RBM20: variants seen among roughly 807,000 people sequenced by gnomAD.
The protein encoded by RBM20 is RNA binding motif protein 20.
RBM20 carries 51 observed loss-of-function variants against 110.1 expected under a neutral mutation model. The ratio of observed to expected loss-of-function variants is 0.46; its 90% confidence interval spans 0.37 to 0.59. RBM20 has a LOEUF of 0.59. Ranked by LOEUF, RBM20 falls within the 20% of genes least tolerant of loss-of-function variation. The pLI is 0.00. For synonymous variants in RBM20, 589 were observed against 618.2 expected (o/e 0.95, Z 0.70); for missense variants, 1,512 against 1,574.9 (o/e 0.96, Z 0.68).
chr10:110,665,712 G>A (rs1002157093), intron 1 of RBM20, among the ~76,000 whole-genome samples: 5 of 151,888 alleles, frequency 3.3e-5, no homozygotes, highest in African/African-American at 1.2e-4. Flanking sequence ...TGAATAGTGA[G>A]GTTAAAGAAT....
chr10:110,825,221 A>C (rs1844968738), intron 12 of RBM20, among the ~76,000 whole-genome samples: 1 of 152,216 alleles, frequency 6.6e-6, no homozygotes, highest in Admixed American at 6.5e-5. Context: ...TCATGCATTC[A>C]GTCAGTCAGC....
At chr10:110,660,259 A>T (rs1862083152) in intron 1 of RBM20, among the ~76,000 whole-genome samples, 1 of 152,184 alleles carries the variant, frequency 6.6e-6, no homozygotes, top group Non-Finnish European at 1.5e-5. Context: ...TAAAAAAAAA[A>T]GAAGCTGCCT....
intron 1 of RBM20, among the ~76,000 whole-genome samples, chr10:110,672,649 G>A (rs1862279568): frequency 6.6e-6 from 1 of 152,254 alleles, no homozygotes; most frequent in African/African-American, 2.4e-5. Flanking sequence ...TCAGACCTGG[G>A]GTGGGCACAG....
At chr10:110,831,222 C>G (rs144120562) in intron 13 of RBM20, 40 bp downstream of exon 13, 1 of 1,543,244 alleles carries the variant, frequency 6.5e-7, no homozygotes, top group East Asian at 2.5e-5. Context: ...CCAGGGGCTC[C>G]CCAGTCTCCA....
intron 1 of RBM20, among the ~76,000 whole-genome samples, chr10:110,649,327 G>A (rs886302042): frequency 5.3e-5 from 8 of 151,982 alleles, no homozygotes; most frequent in Admixed American, 2.0e-4. Context: ...CACAACAGCC[G>A]GTCCTCAAGT....
At chr10:110,740,520 C>G (rs780711848) in intron 1 of RBM20, among the ~76,000 whole-genome samples, 4 of 152,012 alleles carry the variant, frequency 2.6e-5, no homozygotes, top group African/African-American at 4.8e-5. Flanking sequence ...GTGTGTGGAG[C>G]TGCCTTTCAC....
chr10:110,791,077 T>C (rs1359102151), intron 5 of RBM20, among the ~76,000 whole-genome samples: 2 of 152,202 alleles, frequency 1.3e-5, no homozygotes, highest in East Asian at 3.8e-4. Flanking sequence ...CTCTATAAAA[T>C]ATTTGAAAGC....
chr10:110,731,001 A>G (rs1480799099), intron 1 of RBM20, among the ~76,000 whole-genome samples: 1 of 152,168 alleles, frequency 6.6e-6, no homozygotes, highest in Non-Finnish European at 1.5e-5. Flanking sequence ...CTCTTTAACC[A>G]TTGTGTAACT....
chr10:110,805,736 A>G (rs1844686015), intron 7 of RBM20, among the ~76,000 whole-genome samples: 1 of 152,170 alleles, frequency 6.6e-6, no homozygotes, highest in Admixed American at 6.5e-5. Flanking sequence ...CCCTCTTAAT[A>G]TGCCAGCACT....
At chr10:110,757,671 G>A (rs539575432) in intron 1 of RBM20, among the ~76,000 whole-genome samples, 132 of 152,332 alleles carry the variant, frequency 8.7e-4, no homozygotes, top group Middle Eastern at 6.8e-3. Context: ...TGAAGACAGT[G>A]CAAAGTGCTA....
At position 110,821,364 on chromosome 10, in the gene RBM20, G is replaced by A. The variant is rs2135120951; in HGVS notation, c.2745G>A (p.Gly915=). Residue 915 remains glycine, a synonymous_variant, in exon 11 of 14, where the codon GGG becomes GGA. Transcript: ENST00000369519. ...AGCTGGTGACAGTGGACGAGGTTGG[G>A]GAAGAAGAAGATTTTATCGTGGAAC... ...MEELVTVDEV[G]EEEDFIVEPD... 6.4e-7 allele frequency: 1 copy of A among 1,551,734 alleles called. No homozygotes were observed. The highest frequency in any genetic ancestry group is 8.7e-7 in the Non-Finnish European group (1 of 1,147,002).
chr10:110,791,729 T>C (rs1042124664), intron 5 of RBM20, among the ~76,000 whole-genome samples: 3 of 152,146 alleles, frequency 2.0e-5, no homozygotes, highest in Non-Finnish European at 2.9e-5. Flanking sequence ...AGGCCCCCGA[T>C]CCCATGTGGG....
At chr10:110,784,589 C>T (rs1844397441) in intron 4 of RBM20, among the ~76,000 whole-genome samples, 157 bp downstream of exon 4, 1 of 152,244 alleles carries the variant, frequency 6.6e-6, no homozygotes, top group Non-Finnish European at 1.5e-5. Flanking sequence ...ATTGGGCCTG[C>T]TGTCTGGGCC....
At chr10:110,699,734 T>C (rs547263436) in intron 1 of RBM20, among the ~76,000 whole-genome samples, 1 of 152,046 alleles carries the variant, frequency 6.6e-6, no homozygotes, top group Non-Finnish European at 1.5e-5. Flanking sequence ...CTGCAAATAG[T>C]ACTGAACCCT....
At chr10:110,766,175 T>G (rs2135011563) in intron 1 of RBM20, among the ~76,000 whole-genome samples, 1 of 152,350 alleles carries the variant, frequency 6.6e-6, no homozygotes, top group South Asian at 2.1e-4. Context: ...GTTTTCAATC[T>G]GCTTGGATCG....
At chr10:110,754,306 C>T (rs565485424) in intron 1 of RBM20, among the ~76,000 whole-genome samples, 8 of 152,286 alleles carry the variant, frequency 5.3e-5, no homozygotes, top group East Asian at 1.9e-4. Context: ...CTGGTAACTA[C>T]GATGGGTCTA....
In RBM20 at chr10:110,735,456, G is replaced by A. The variant is rs549597658; in HGVS notation, c.192-45345G>A. Among the ~76,000 whole-genome samples, 29 of 152,288 alleles carry A rather than the reference G, an allele frequency of 1.9e-4. No homozygotes were observed. The East Asian group carries it at 4.4e-3, about 23-fold the overall frequency. On this transcript the variant is annotated intron_variant, in intron 1 of 13. Coordinates refer to ENST00000369519, the MANE Select transcript of RBM20 (RefSeq NM_001134363.3). The stretch of plus-strand genomic sequence containing the variant: ...TTGTAGCCTGTCTGCACACAAGCCT[G>A]TACCTTGCGCTTTTGTCCTGATTGA...
chr10:110,798,792 C>A (rs1844584484), intron 6 of RBM20, among the ~76,000 whole-genome samples: 1 of 152,144 alleles, frequency 6.6e-6, no homozygotes, highest in African/African-American at 2.4e-5. Flanking sequence ...GTGAGGGCTT[C>A]CCTGTCACCG....
chr10:110,820,012 T>C (rs1490206744), intron 9 of RBM20, 60 bp from the exon 10 acceptor site: 1 of 1,100,642 alleles, frequency 9.1e-7, no homozygotes, highest in Non-Finnish European at 1.3e-6. Flanking sequence ...TCATTCTTTT[T>C]TTCTTCTCCC....
Sources: gnomAD v4.1 joint callset for allele counts (sites outside exome capture counted in the v4.1 genomes callset) on GRCh38, gnomAD v4.1.1 for gene constraint, MANE v1.5 for transcripts, NCBI Gene and HGNC (gene_info 2026-07-23, HGNC 2026-07-21) for gene names.